The following FAM118A variants were observed in gnomAD, a reference collection of about 807,000 sequenced individuals.
FAM118A encodes the protein SIR2 antiphage like 2.
In FAM118A, 25 loss-of-function variants were observed where a neutral mutation model predicts 38.2. The ratio of observed to expected loss-of-function variants is 0.65; its 90% confidence interval spans 0.48 to 0.91. The LOEUF (loss-of-function observed/expected upper bound fraction) is 0.91, where lower values mean the gene tolerates loss of function less well. Ranked by LOEUF, FAM118A falls within the 40% of genes least tolerant of loss-of-function variation. FAM118A has a pLI of 0.00. For missense variants in FAM118A, 425 were observed against 463.3 expected (o/e 0.92, Z 0.76); for synonymous variants, 178 against 184.1 (o/e 0.97, Z 0.27).
intron 1 of FAM118A, among the ~76,000 whole-genome samples, chr22:45,314,479 A>G (rs768763927): frequency 6.6e-6 from 1 of 152,272 alleles, no homozygotes; most frequent in African/African-American, 2.4e-5. Flanking sequence ...GGTATGGGAC[A>G]TGAGCCAGGA....
At chr22:45,309,690 A>AGCGCAAGCCCTCCCCC (rs1415674913), upstream of FAM118A, 2 of 152,190 alleles carry the variant, frequency 1.3e-5, no homozygotes, top group Non-Finnish European at 2.9e-5. Flanking sequence ...AGCGCTCCCC[A>AGCGCAAGCCCTCCCCC]GCGCAAGCCC....
At chr22:45,337,018 C>G (rs962449889) in intron 8 of FAM118A, among the ~76,000 whole-genome samples, 1 of 152,236 alleles carries the variant, frequency 6.6e-6, no homozygotes, top group African/African-American at 2.4e-5. Context: ...GAAGGGCGAT[C>G]TCGCTTGTTC....
chr22:45,330,470 G>A, intron 4 of FAM118A, 133 bp from the exon 5 acceptor site: 1 of 1,043,224 alleles, frequency 9.6e-7, no homozygotes, highest in South Asian at 2.4e-5. Flanking sequence ...AGGTATAAGT[G>A]TAAAGTGAAG....
At chr22:45,313,805 G>A (rs1052390429) in intron 1 of FAM118A, among the ~76,000 whole-genome samples, 11 of 152,184 alleles carry the variant, frequency 7.2e-5, no homozygotes, top group African/African-American at 2.7e-4. Flanking sequence ...AGTACACACT[G>A]GCCGCTTGTG....
chr22:45,329,761 T>A (rs1029962288), intron 4 of FAM118A: 4 of 152,284 alleles, frequency 2.6e-5, no homozygotes, highest in African/African-American at 4.8e-5. Flanking sequence ...TGGTCCCCAC[T>A]GCTGGGGCTT....
At chr22:45,312,097 A>G (rs955874809) in intron 1 of FAM118A, among the ~76,000 whole-genome samples, 1 of 152,062 alleles carries the variant, frequency 6.6e-6, no homozygotes, top group African/African-American at 2.4e-5. Flanking sequence ...TGCTTTTTCT[A>G]TTATCTCACT....
intron 1 of FAM118A, among the ~76,000 whole-genome samples, chr22:45,312,975 C>G (rs1438656488): frequency 2.0e-5 from 3 of 152,180 alleles, no homozygotes; most frequent in African/African-American, 7.2e-5. Flanking sequence ...CTTTAGCCCT[C>G]TCTTCCCCAG....
chr22:45,310,794 A>C (rs559516165), intron 1 of FAM118A, among the ~76,000 whole-genome samples: 62 of 152,320 alleles, frequency 4.1e-4, no homozygotes, highest in African/African-American at 1.3e-3. Context: ...AGGTGGCCCC[A>C]CAGGACAGTC....
intron 4 of FAM118A, chr22:45,328,789 GAA>G (rs886277784): frequency 6.3e-5 from 13 of 207,948 alleles, no homozygotes; most frequent in East Asian, 1.9e-4. Flanking sequence ...AAAAACAAAA[GAA>G]AAAAAAAAAG....
intron 4 of FAM118A, chr22:45,329,472 G>A (rs1051284626): frequency 6.6e-6 from 1 of 152,238 alleles, no homozygotes; most frequent in South Asian, 2.1e-4. Context: ...TAAAGGTTGA[G>A]CGTAGTTTCA....
chr22:45,335,529 C>A, intron 7 of FAM118A, 147 bp downstream of exon 7: 1 of 914,398 alleles, frequency 1.1e-6, no homozygotes, highest in Non-Finnish European at 1.7e-6. Context: ...TGATAAATAG[C>A]CATGCCTTAG....
At chr22:45,326,565 G>A (rs192993190) in intron 3 of FAM118A, among the ~76,000 whole-genome samples, 2 of 152,148 alleles carry the variant, frequency 1.3e-5, no homozygotes, top group Non-Finnish European at 1.5e-5. Flanking sequence ...AGTGGCTCAC[G>A]CCTGTAATCC....
upstream of FAM118A, chr22:45,309,577 C>G (rs1418469669): frequency 2.0e-5 from 3 of 152,334 alleles, no homozygotes; most frequent in East Asian, 5.8e-4. Context: ...ACTTGATGCT[C>G]GCCACGTCCC....
chr22:45,324,152 A>C (rs1298285924), intron 3 of FAM118A, among the ~76,000 whole-genome samples: 6 of 152,242 alleles, frequency 3.9e-5, no homozygotes, highest in African/African-American at 1.4e-4. Flanking sequence ...CACGAAAAAA[A>C]GTGAGCTCGT....
chr22:45,340,137 G>A (rs953100090), intron 8 of FAM118A, among the ~76,000 whole-genome samples: 1 of 152,206 alleles, frequency 6.6e-6, no homozygotes, highest in Non-Finnish European at 1.5e-5. Flanking sequence ...GAGCATCCAT[G>A]TTCATGGATT....
intron 1 of FAM118A, 110 bp from the exon 2 acceptor site, chr22:45,322,261 A>G: frequency 6.4e-7 from 1 of 1,573,118 alleles, no homozygotes; most frequent in Non-Finnish European, 8.7e-7. Flanking sequence ...TAATTTAAGT[A>G]AAGATTGAGG....
At chr22:45,338,584 G>A (rs2086261568) in intron 8 of FAM118A, among the ~76,000 whole-genome samples, 1 of 152,208 alleles carries the variant, frequency 6.6e-6, no homozygotes, top group Non-Finnish European at 1.5e-5. Flanking sequence ...AAGTCTGCGA[G>A]AACTCTGGAG....
intron 1 of FAM118A, among the ~76,000 whole-genome samples, chr22:45,317,582 C>A (rs956832157): frequency 1.3e-5 from 2 of 152,222 alleles, no homozygotes; most frequent in African/African-American, 2.4e-5. Context: ...TCGTGATGTT[C>A]GTTCATTCGT....
In FAM118A at chr22:45,330,706, A is replaced by G. The variant is rs766466590; in HGVS notation, c.626A>G (p.Asp209Gly). Residue 209 changes from aspartate (D) to glycine (G), a missense_variant, in exon 5 of 9, where the codon GAC becomes GGC. By Grantham distance (94) the Asp-to-Gly change is moderately conservative. Transcript: ENST00000441876. ...GVVLDPSGYK[D>G]VTQDAEVMEV... is the part of the protein sequence containing the mutation. ...GTGCTGGACCCATCGGGGTATAAAGACGTCACTCAAGACGCAGAAGTCATG... is the reference window on the plus strand; with the variant it reads ...GTGCTGGACCCATCGGGGTATAAAGGCGTCACTCAAGACGCAGAAGTCATG... 14 of 1,583,058 alleles carry G rather than the reference A, an allele frequency of 8.8e-6. No individual in the cohort carries two copies. Among genetic ancestry groups the G allele is most frequent in the Non-Finnish European group, 1.1e-5 (13 of 1,167,830 alleles).
Sources: allele counts gnomAD v4.1 joint callset (sites outside exome capture counted in the v4.1 genomes callset), GRCh38; gene constraint gnomAD v4.1.1; transcripts MANE v1.5; gene names NCBI Gene and HGNC (gene_info 2026-07-23, HGNC 2026-07-21).